ACSS1: variants seen among roughly 807,000 people sequenced by gnomAD.
ACSS1 encodes the protein acyl-CoA synthetase short chain family member 1.
In ACSS1, 42 loss-of-function variants were observed where a neutral mutation model predicts 75.3. That is an observed-to-expected ratio of 0.56 (90% CI 0.44 to 0.72). The LOEUF is 0.72. Among genes scored for constraint, ACSS1 ranks in the 30% least tolerant of loss-of-function variants. ACSS1 has a pLI of 0.00. For synonymous variants in ACSS1, 380 were observed against 376.8 expected (o/e 1.01, Z -0.10); for missense variants, 782 against 935.7 (o/e 0.84, Z 2.14).
Position 25,031,948 on chromosome 20 carries a change from T to C in ACSS1, c.432-990A>G, listed in dbSNP as rs866170997. On this transcript the variant is annotated intron_variant, in intron 2 of 13. Transcript: ENST00000323482. ...CAGGGAGCAGACCCCCAAGCCCAGA[T>C]AGGGCGGACTCCAGCTCTGCAAAGC... is the stretch of plus-strand genomic sequence containing the variant. Among the ~76,000 whole-genome samples the C allele has an allele frequency of 5.9e-5, 9 of 152,216 alleles. 1 individual carries two copies. In the Middle Eastern group the frequency reaches 0.024, roughly 403 times the overall value.
rs765949296 is a variant in ACSS1, at chr20:25,007,732, C to G, written c.*30G>C. Reference sequence around the variant, plus strand: ...GGACAAGCCAGGGCTTGGGTGCCCGCCCATCCCAAGAGCCCCACAAGGTGC... The same window carrying G: ...GGACAAGCCAGGGCTTGGGTGCCCGGCCATCCCAAGAGCCCCACAAGGTGC... On this transcript the variant is annotated 3_prime_UTR_variant, in exon 14 of 14. Coordinates refer to ENST00000323482, the MANE Select transcript of ACSS1 (RefSeq NM_032501.4). 24 of 1,609,614 alleles carry G rather than the reference C, an allele frequency of 1.5e-5. No individual in the cohort carries two copies. The South Asian group carries it at 2.5e-4, about 17-fold the overall frequency.
At chr20:25,038,463 G>A (rs6050267) in intron 2 of ACSS1, among the ~76,000 whole-genome samples, 25,942 of 152,208 alleles carry the variant, frequency 0.17, 3,322 homozygotes, top group African/African-American at 0.35. Context: ...AATGACTGCA[G>A]AAAATACAAG....
At chr20:25,031,627 T>A (rs2088826051) in intron 2 of ACSS1, among the ~76,000 whole-genome samples, 1 of 152,190 alleles carries the variant, frequency 6.6e-6, no homozygotes, top group Non-Finnish European at 1.5e-5. Flanking sequence ...GATGCCCTAC[T>A]ATGTAACTGA....
At chr20:25,019,989 G>A (rs774722350) in intron 7 of ACSS1, 21 bp downstream of exon 7, 19 of 1,613,986 alleles carry the variant, frequency 1.2e-5, no homozygotes, top group Non-Finnish European at 1.6e-5. Flanking sequence ...AACCTCTCCT[G>A]CTGCAGGGCA....
At chr20:25,033,176 C>A (rs1220953388) in intron 2 of ACSS1, among the ~76,000 whole-genome samples, 1 of 152,182 alleles carries the variant, frequency 6.6e-6, no homozygotes, top group Non-Finnish European at 1.5e-5. Flanking sequence ...CAGCCAGATT[C>A]CGTTTTCATA....
chr20:25,007,746 CCCA>C lies in ACSS1; in HGVS notation c.*13_*15del. 1 of 1,612,550 alleles carries C rather than the reference CCCA, an allele frequency of 6.2e-7. No individual in the cohort carries two copies. The highest frequency in any genetic ancestry group is 1.3e-5 in the African/African-American group (1 of 75,034). ...TTGGGTGCCCGCCCATCCCAAGAGC[CCCA>C]CAAGGTGCCAGCTCACTTAGCAGCA... On this transcript the variant is annotated 3_prime_UTR_variant, in exon 14 of 14. Coordinates refer to ENST00000323482, the MANE Select transcript of ACSS1 (RefSeq NM_032501.4).
rs2088593242 is a variant in ACSS1, at chr20:25,020,085, C to T, written c.1171G>A (p.Val391Ile). Reference sequence around the variant, plus strand: ...TCACCGTATTTCAGCAACAGCCGGACAGCCGTTGGGGCGCCATAGAACTGA... The same window carrying T: ...TCACCGTATTTCAGCAACAGCCGGATAGCCGTTGGGGCGCCATAGAACTGA... ...INQFYGAPTA[V>I]RLLLKYGDAW... is the part of the protein sequence containing the mutation. The change falls in exon 7 of 14, where the codon GTC (valine) becomes ATC (isoleucine). Residue 391 changes from valine (V) to isoleucine (I), a missense_variant. Coordinates refer to ENST00000323482, the MANE Select transcript of ACSS1 (RefSeq NM_032501.4). 6.2e-7 allele frequency: 1 copy of T among 1,614,236 alleles called. No individual in the cohort carries two copies. Among genetic ancestry groups the T allele is most frequent in the Non-Finnish European group, 8.5e-7 (1 of 1,180,040 alleles).
intron 1 of ACSS1, among the ~76,000 whole-genome samples, chr20:25,048,617 T>C (rs2089132759): frequency 6.6e-6 from 1 of 152,228 alleles, no homozygotes; most frequent in Non-Finnish European, 1.5e-5. Context: ...GCTTGGCTCC[T>C]GCAGTTCCCA....
intron 7 of ACSS1, among the ~76,000 whole-genome samples, chr20:25,019,104 A>T (rs1199065518): frequency 1.3e-5 from 2 of 152,182 alleles, no homozygotes; most frequent in African/African-American, 4.8e-5. Context: ...CTTCCCAAGG[A>T]TGTATGTGGC....
Position 25,013,980 on chromosome 20 carries a change from G to T in ACSS1, c.1433C>A (p.Pro478His). 4 of 1,613,786 alleles carry T rather than the reference G, an allele frequency of 2.5e-6. No homozygotes were observed. The highest frequency in any genetic ancestry group is 3.4e-6 in the Non-Finnish European group (4 of 1,179,886). ...MAMRPFFGIV[P>H]VLMDEKGSVV... is the part of the protein sequence containing the mutation. Reference sequence around the variant, plus strand: ...ACACACCTTCTCATCCATGAGGACGGGGACGATGCCAAAGAAGGGCCTCAT... The same window carrying T: ...ACACACCTTCTCATCCATGAGGACGTGGACGATGCCAAAGAAGGGCCTCAT... The change falls in exon 9 of 14, where the codon CCC becomes CAC. Residue 478 changes from proline to histidine, a missense_variant. Transcript: ENST00000323482.
chr20:25,034,881 ATTTTTTG>A (rs759077938), intron 2 of ACSS1, among the ~76,000 whole-genome samples: 3 of 148,104 alleles, frequency 2.0e-5, no homozygotes, highest in Non-Finnish European at 3.0e-5. Flanking sequence ...GACCATATGG[ATTTTTTG>A]TTTTTTGTTT....
chr20:25,009,234 G>A (rs1332357674), intron 13 of ACSS1, 36 bp downstream of exon 13: 1 of 1,493,280 alleles, frequency 6.7e-7, no homozygotes, highest in African/African-American at 1.4e-5. Flanking sequence ...GGGAAGAACA[G>A]CAGCACAGCC....
At chr20:25,049,998 GAGA>G (rs1363237505) in intron 1 of ACSS1, among the ~76,000 whole-genome samples, 1 of 152,154 alleles carries the variant, frequency 6.6e-6, no homozygotes, top group African/African-American at 2.4e-5. Context: ...CAGAACAGTT[GAGA>G]AGAATAGTGA....
chr20:25,020,177 A>G, intron 6 of ACSS1, 30 bp from the exon 7 acceptor site: 1 of 1,613,488 alleles, frequency 6.2e-7, no homozygotes, highest in Non-Finnish European at 8.5e-7. Flanking sequence ...CACTGTCAGC[A>G]GGAGAGCTGA....
intron 8 of ACSS1, among the ~76,000 whole-genome samples, 198 bp downstream of exon 8, chr20:25,014,938 CAA>C (rs2088489118): frequency 3.3e-5 from 5 of 152,254 alleles, no homozygotes; most frequent in Admixed American, 3.3e-4. Context: ...GAAGTTGTGA[CAA>C]GAGGTCCCAC....
At chr20:25,053,060 CTTT>C (rs1171891974) in intron 1 of ACSS1, among the ~76,000 whole-genome samples, 6 of 118,108 alleles carry the variant, frequency 5.1e-5, no homozygotes, top group Admixed American at 1.7e-4. Flanking sequence ...TCACAATGAG[CTTT>C]TTTTTTTTTT....
At chr20:25,050,428 C>T (rs960048405) in intron 1 of ACSS1, among the ~76,000 whole-genome samples, 1 of 152,062 alleles carries the variant, frequency 6.6e-6, no homozygotes, top group Admixed American at 6.5e-5. Context: ...AATCTTCAGC[C>T]CCACCCAGAC....
At chr20:25,042,912 G>A (rs906787920) in intron 2 of ACSS1, among the ~76,000 whole-genome samples, 3 of 151,980 alleles carry the variant, frequency 2.0e-5, no homozygotes, top group Non-Finnish European at 2.9e-5. Context: ...CCCTCTCCAC[G>A]CCCAGCAGCC....
chr20:25,057,689 G>T, intron 1 of ACSS1, 80 bp downstream of exon 1: 1 of 1,386,994 alleles, frequency 7.2e-7, no homozygotes, highest in South Asian at 1.4e-5. Flanking sequence ...GCCCGGGGAC[G>T]GCTGCCGCTG....
Sources: allele counts gnomAD v4.1 joint callset (sites outside exome capture counted in the v4.1 genomes callset), GRCh38; gene constraint gnomAD v4.1.1; transcripts MANE v1.5; gene names NCBI Gene and HGNC (gene_info 2026-07-23, HGNC 2026-07-21).